GRAMD2B: variants seen among roughly 807,000 people sequenced by gnomAD.
The protein encoded by GRAMD2B is GRAM domain-containing protein 2B.
In GRAMD2B, 41 loss-of-function variants were observed where a neutral mutation model predicts 59.2. The ratio of observed to expected loss-of-function variants is 0.69; its 90% CI spans 0.54 to 0.90. GRAMD2B has a LOEUF of 0.90. Among genes scored for constraint, GRAMD2B ranks in the 40% least tolerant of loss-of-function variants. GRAMD2B has a pLI of 0.00. For missense variants in GRAMD2B, 424 were observed against 500.5 expected (o/e 0.85, Z 1.46); for synonymous variants, 161 against 182.7 (o/e 0.88, Z 0.96).
intron 1 of GRAMD2B, among the ~76,000 whole-genome samples, chr5:126,373,224 A>G (rs983279917): frequency 3.3e-5 from 5 of 152,190 alleles, no homozygotes; most frequent in Non-Finnish European, 7.4e-5. Context: ...TAGTTGAAAG[A>G]TCTATTTAAT....
intron 1 of GRAMD2B, among the ~76,000 whole-genome samples, chr5:126,408,980 A>G (rs1369099224): frequency 2.6e-5 from 4 of 151,230 alleles, no homozygotes; most frequent in Non-Finnish European, 5.9e-5. Flanking sequence ...GAGAATGATG[A>G]TTTCCAATTT....
intron 1 of GRAMD2B, among the ~76,000 whole-genome samples, chr5:126,437,080 A>C (rs1476507870): frequency 6.6e-6 from 1 of 152,226 alleles, no homozygotes; most frequent in Non-Finnish European, 1.5e-5. Context: ...TGGTTTATCT[A>C]TAAGGCACAG....
intron 1 of GRAMD2B, chr5:126,371,573 T>TA (rs2149691407): frequency 7.8e-7 from 1 of 1,286,918 alleles, no homozygotes; most frequent in Non-Finnish European, 1.0e-6. Context: ...CTCAGGTGGG[T>TA]ACAGCCTGGG....
At chr5:126,411,192 A>C (rs1470440296) in intron 1 of GRAMD2B, among the ~76,000 whole-genome samples, 1 of 152,062 alleles carries the variant, frequency 6.6e-6, no homozygotes, top group Non-Finnish European at 1.5e-5. Context: ...CAATGTCCAA[A>C]ATGGTGTTTC....
upstream of GRAMD2B, among the ~76,000 whole-genome samples, chr5:126,422,526 C>G (rs1343015065): frequency 1.3e-5 from 2 of 152,146 alleles, no homozygotes; most frequent in African/African-American, 2.4e-5. Context: ...TAAAGCTCAT[C>G]ATCTATCCTT....
intron 1 of GRAMD2B, among the ~76,000 whole-genome samples, chr5:126,387,743 C>A (rs1756301805): frequency 6.6e-6 from 1 of 151,668 alleles, no homozygotes; most frequent in Non-Finnish European, 1.5e-5. Flanking sequence ...AATGGAGGAA[C>A]AGAAAGAAGA....
At chr5:126,385,803 C>A (rs1161940252) in intron 1 of GRAMD2B, among the ~76,000 whole-genome samples, 1 of 152,072 alleles carries the variant, frequency 6.6e-6, no homozygotes, top group Non-Finnish European at 1.5e-5. Context: ...ATGGGGGGTG[C>A]AACCCAGTCC....
intron 1 of GRAMD2B, among the ~76,000 whole-genome samples, chr5:126,427,902 G>A (rs373660224): frequency 1.3e-5 from 2 of 152,152 alleles, no homozygotes; most frequent in South Asian, 2.1e-4. Flanking sequence ...CTCTATCTAT[G>A]TATGTGTGTG....
At chr5:126,421,859 T>G, upstream of GRAMD2B, among the ~76,000 whole-genome samples, 1 of 152,328 alleles carries the variant, frequency 6.6e-6, no homozygotes, top group Non-Finnish European at 1.5e-5. Flanking sequence ...TTGTATAGTC[T>G]TTGTAATACT....
chr5:126,405,020 A>C (rs1256520843), intron 1 of GRAMD2B, among the ~76,000 whole-genome samples: 1 of 151,906 alleles, frequency 6.6e-6, no homozygotes, highest in African/African-American at 2.4e-5. Flanking sequence ...AGGTCACACA[A>C]ATTATAAGTG....
chr5:126,476,751 G>T (rs1187272678), intron 5 of GRAMD2B, among the ~76,000 whole-genome samples: 2 of 152,238 alleles, frequency 1.3e-5, no homozygotes, highest in East Asian at 3.9e-4. Context: ...AGTTACTGTT[G>T]TTGTTATTCT....
chr5:126,455,628 G>A (rs917386286), intron 1 of GRAMD2B, among the ~76,000 whole-genome samples: 33 of 152,210 alleles, frequency 2.2e-4, no homozygotes, highest in South Asian at 2.1e-4. Flanking sequence ...TAGCACCAAT[G>A]GCTGTGATGC....
chr5:126,479,484 A>C (rs1303631966), intron 6 of GRAMD2B, among the ~76,000 whole-genome samples: 1 of 152,266 alleles, frequency 6.6e-6, no homozygotes, highest in Non-Finnish European at 1.5e-5. Context: ...AACAGGCATC[A>C]GTATTTCCTC....
intron 1 of GRAMD2B, among the ~76,000 whole-genome samples, chr5:126,395,790 G>GA (rs532634249): frequency 1.2e-3 from 186 of 152,250 alleles, no homozygotes; most frequent in African/African-American, 4.4e-3. Context: ...GCATGCACAT[G>GA]TATATGTGTT....
intron 1 of GRAMD2B, among the ~76,000 whole-genome samples, chr5:126,436,450 G>T (rs548591821): frequency 5.3e-5 from 8 of 152,168 alleles, no homozygotes; most frequent in African/African-American, 1.7e-4. Flanking sequence ...GGAGTTGGAG[G>T]CCAGCCTGGG....
intron 1 of GRAMD2B, among the ~76,000 whole-genome samples, chr5:126,377,322 A>G (rs772578674): frequency 1.3e-5 from 2 of 151,854 alleles, no homozygotes; most frequent in Non-Finnish European, 2.9e-5. Context: ...ACCACTTATC[A>G]GAATGTATTG....
intron 1 of GRAMD2B, among the ~76,000 whole-genome samples, chr5:126,440,381 G>A (rs1313399201): frequency 6.6e-6 from 1 of 152,182 alleles, no homozygotes; most frequent in African/African-American, 2.4e-5. Flanking sequence ...AAAGATTGAA[G>A]CATTCAGAAA....
chr5:126,439,180 T>C (rs1246498739), intron 1 of GRAMD2B, among the ~76,000 whole-genome samples: 1 of 152,102 alleles, frequency 6.6e-6, no homozygotes, highest in Admixed American at 6.5e-5. Context: ...ATGTCAGAGG[T>C]TGAATGCAAT....
intron 1 of GRAMD2B, among the ~76,000 whole-genome samples, chr5:126,427,959 G>T (rs898148663): frequency 6.6e-6 from 1 of 152,128 alleles, no homozygotes; most frequent in Non-Finnish European, 1.5e-5. Context: ...CTGACAGGCT[G>T]GGTGTGGTAG....
Sources: gnomAD v4.1 joint callset for allele counts (sites outside exome capture counted in the v4.1 genomes callset) on GRCh38, gnomAD v4.1.1 for gene constraint, MANE v1.5 for transcripts, NCBI Gene and HGNC (gene_info 2026-07-23, HGNC 2026-07-21) for gene names.